Variants in P3H2 observed in about 807,000 individuals in gnomAD.
The protein encoded by P3H2 is prolyl 3-hydroxylase 2, also known as leprecan-like 1.
In P3H2, 80 loss-of-function variants were observed where a neutral mutation model predicts 87.0. That is an observed-to-expected ratio of 0.92 (90% CI 0.77 to 1.11). The LOEUF (loss-of-function observed/expected upper bound fraction) is 1.11, where lower values mean the gene tolerates loss of function less well. P3H2 is among the 50% of genes least tolerant of loss of function. The pLI, the probability that P3H2 is intolerant of heterozygous loss-of-function variation, is 0.00. For synonymous variants in P3H2, 367 were observed against 359.3 expected, an observed-to-expected ratio of 1.02 and a Z score of -0.24; for missense variants, 1,001 against 923.9, an observed-to-expected ratio of 1.08 and a Z score of -1.08.
chr3:189,996,809 G>C (rs1724065066), intron 1 of P3H2, among the ~76,000 whole-genome samples: 1 of 152,152 alleles, frequency 6.6e-6, no homozygotes. Context: ...AATGCATAAA[G>C]ATGCTAAGAA....
chr3:190,011,289 T>A (rs866722418), intron 1 of P3H2, among the ~76,000 whole-genome samples: 5,544 of 141,536 alleles, frequency 0.039, 293 homozygotes, highest in African/African-American at 0.12. Context: ...AAAAAAAAAA[T>A]AGAGTTTCAT....
intron 1 of P3H2, among the ~76,000 whole-genome samples, chr3:190,044,588 G>C (rs1481564229): frequency 6.6e-6 from 1 of 152,208 alleles, no homozygotes; most frequent in East Asian, 1.9e-4. Context: ...GCAAAAGCAT[G>C]CACTTATCAT....
intron 1 of P3H2, among the ~76,000 whole-genome samples, chr3:190,007,118 T>C (rs1316181933): frequency 6.6e-6 from 1 of 151,866 alleles, no homozygotes; most frequent in Non-Finnish European, 1.5e-5. Flanking sequence ...GGGAGGAGAG[T>C]GTAAGACTGG....
chr3:190,013,293 C>A (rs1416459401), intron 1 of P3H2, among the ~76,000 whole-genome samples: 1 of 152,194 alleles, frequency 6.6e-6, no homozygotes, highest in Non-Finnish European at 1.5e-5. Flanking sequence ...ATTTATTATA[C>A]CACCAAGTTT....
chr3:190,095,351 G>GATATATATATAT (rs1727541620), intron 1 of P3H2, among the ~76,000 whole-genome samples: 1 of 59,726 alleles, frequency 1.7e-5, no homozygotes. Flanking sequence ...TATATATATG[G>GATATATATATAT]ATTATCACCT....
chr3:190,019,560 T>TCACC (rs1381523027), intron 1 of P3H2, among the ~76,000 whole-genome samples: 20 of 78,618 alleles, frequency 2.5e-4, no homozygotes, highest in South Asian at 1.0e-3. Context: ...TGGATGCTCA[T>TCACC]TATCGTTTCT....
At chr3:189,999,969 G>A (rs912626372) in intron 1 of P3H2, among the ~76,000 whole-genome samples, 7 of 152,130 alleles carry the variant, frequency 4.6e-5, no homozygotes, top group African/African-American at 9.7e-5. Context: ...GCCTGCTGAC[G>A]TTCAGAAGTT....
At chr3:190,078,583 G>A (rs942384510) in intron 1 of P3H2, among the ~76,000 whole-genome samples, 3 of 152,040 alleles carry the variant, frequency 2.0e-5, no homozygotes, top group Non-Finnish European at 4.4e-5. Context: ...GGAGACCAAC[G>A]AGCTATAATA....
intron 1 of P3H2, among the ~76,000 whole-genome samples, chr3:190,018,897 T>G (rs947997924): frequency 3.3e-5 from 5 of 152,282 alleles, no homozygotes; most frequent in Admixed American, 1.3e-4. Context: ...TTTCTATCTT[T>G]CCTTATAATA....
intron 1 of P3H2, among the ~76,000 whole-genome samples, chr3:190,067,817 T>A (rs1403721356): frequency 1.3e-5 from 2 of 152,138 alleles, no homozygotes; most frequent in Non-Finnish European, 2.9e-5. Context: ...AATAAAAAGA[T>A]AAAATATTGC....
intron 1 of P3H2, among the ~76,000 whole-genome samples, chr3:189,998,971 G>A (rs1032467395): frequency 4.6e-5 from 7 of 152,216 alleles, no homozygotes; most frequent in Non-Finnish European, 7.3e-5. Context: ...CCACTGATCT[G>A]ACAGGAGACA....
chr3:190,056,076 T>C (rs912375110), intron 1 of P3H2, among the ~76,000 whole-genome samples: 20 of 152,268 alleles, frequency 1.3e-4, no homozygotes, highest in Admixed American at 9.8e-4. Flanking sequence ...AGTATCCTTA[T>C]AGGAAGAGAC....
chr3:190,007,965 C>CACACACACACACACATATATATATAT, intron 1 of P3H2, among the ~76,000 whole-genome samples: 94 of 94,324 alleles, frequency 1.0e-3, no homozygotes, highest in Middle Eastern at 4.6e-3. Context: ...TGTTGACACA[C>CACACACACACACACATATATATATAT]ATATATATAT....
intron 1 of P3H2, among the ~76,000 whole-genome samples, chr3:190,068,746 C>T (rs771615587): frequency 6.6e-6 from 1 of 151,766 alleles, no homozygotes; most frequent in Non-Finnish European, 1.5e-5. Flanking sequence ...AAAGAGTTAC[C>T]GATTTTTCTC....
At chr3:190,092,547 C>T (rs1727441693) in intron 1 of P3H2, among the ~76,000 whole-genome samples, 1 of 152,290 alleles carries the variant, frequency 6.6e-6, no homozygotes, top group South Asian at 2.1e-4. Flanking sequence ...GTGCAAGGGA[C>T]TTATGGCATT....
intron 1 of P3H2, among the ~76,000 whole-genome samples, chr3:190,072,436 T>C (rs1375735225): frequency 6.6e-6 from 1 of 152,204 alleles, no homozygotes; most frequent in Non-Finnish European, 1.5e-5. Flanking sequence ...GATGTTGAAT[T>C]AGAGTATTAA....
chr3:190,072,656 C>T, intron 1 of P3H2, among the ~76,000 whole-genome samples: 1 of 152,016 alleles, frequency 6.6e-6, no homozygotes, highest in Admixed American at 6.5e-5. Flanking sequence ...AAATAGATGC[C>T]AATATGCTCA....
chr3:190,075,133 A>AGTCT (rs1367739239), intron 1 of P3H2, among the ~76,000 whole-genome samples: 1 of 152,244 alleles, frequency 6.6e-6, no homozygotes, highest in Non-Finnish European at 1.5e-5. Flanking sequence ...AGGAGTTCAT[A>AGTCT]GTCTAGTAGT....
chr3:190,085,506 G>A (rs1330826644), intron 1 of P3H2, among the ~76,000 whole-genome samples: 2 of 152,180 alleles, frequency 1.3e-5, no homozygotes, highest in Non-Finnish European at 2.9e-5. Context: ...CTAAGCATTT[G>A]CAGCTCCACA....
Sources: gnomAD v4.1 joint callset for allele counts (sites outside exome capture counted in the v4.1 genomes callset) on GRCh38, gnomAD v4.1.1 for gene constraint, MANE v1.5 for transcripts, NCBI Gene and HGNC (gene_info 2026-07-23, HGNC 2026-07-21) for gene names.